Variants in CTIF observed in about 807,000 individuals in gnomAD.
CTIF encodes cap binding complex dependent translation initiation factor, also known as CBP80/20-dependent translation initiation factor.
In CTIF, 21 loss-of-function variants were observed where a neutral mutation model predicts 66.0. That is an observed-to-expected ratio of 0.32 (90% CI 0.23 to 0.46). CTIF has a LOEUF of 0.46. Ranked by LOEUF, CTIF falls within the 20% of genes least tolerant of loss-of-function variation. CTIF has a pLI of 1.00. For synonymous variants in CTIF, 345 were observed against 326.4 expected, an observed-to-expected ratio of 1.06 and a Z score of -0.62; for missense variants, 739 against 812.7, an observed-to-expected ratio of 0.91 and a Z score of 1.10.
chr18:48,722,729 C>T (rs1305876746), intron 7 of CTIF, among the ~76,000 whole-genome samples: 1 of 151,920 alleles, frequency 6.6e-6, no homozygotes, highest in South Asian at 2.1e-4. Flanking sequence ...AGCACCCGGC[C>T]GTACCCATCA....
intron 1 of CTIF, among the ~76,000 whole-genome samples, chr18:48,584,645 A>G (rs905118950): frequency 2.0e-5 from 3 of 152,176 alleles, no homozygotes; most frequent in African/African-American, 7.2e-5. Flanking sequence ...CCCAAACTGG[A>G]GAGGAGACCT....
rs143718595 is a variant in CTIF, at chr18:48,709,269, C to T, written c.508-2350C>T. The stretch of plus-strand genomic sequence containing the variant: ...ACCACTGTCATGGTTTATACACATA[C>T]ACTACATAGATGTGAGTTGTTCTGG... On this transcript the variant is annotated intron_variant, in intron 6 of 11. Coordinates refer to ENST00000256413, the MANE Select transcript of CTIF (RefSeq NM_014772.3). 4.3e-4 allele frequency among the ~76,000 whole-genome samples: 65 copies of T among 152,350 alleles called. No homozygotes were observed. In the East Asian group the frequency reaches 0.013, roughly 29 times the overall value.
intron 6 of CTIF, among the ~76,000 whole-genome samples, chr18:48,699,964 C>T (rs954115868): frequency 2.1e-4 from 32 of 152,380 alleles, no homozygotes; most frequent in African/African-American, 7.7e-4. Context: ...GCACACTCCA[C>T]ACTGGCTCGG....
At chr18:48,734,459 G>A (rs1163912279) in intron 7 of CTIF, among the ~76,000 whole-genome samples, 1 of 152,156 alleles carries the variant, frequency 6.6e-6, no homozygotes, top group Non-Finnish European at 1.5e-5. Context: ...CCCGCTACTC[G>A]GGAGGCTGAG....
chr18:48,607,334 A>G (rs2090221588), intron 1 of CTIF, among the ~76,000 whole-genome samples: 1 of 152,232 alleles, frequency 6.6e-6, no homozygotes, highest in Non-Finnish European at 1.5e-5. Flanking sequence ...GCTGTCCAGC[A>G]TGCTTCAGGC....
intron 7 of CTIF, among the ~76,000 whole-genome samples, chr18:48,747,464 A>G (rs1012431369): frequency 1.3e-5 from 2 of 152,352 alleles, no homozygotes; most frequent in South Asian, 2.1e-4. Context: ...GGCGGCCCAC[A>G]TGCAGCTCAG....
intron 7 of CTIF, among the ~76,000 whole-genome samples, chr18:48,721,425 T>A (rs554561719): frequency 1.3e-5 from 2 of 152,272 alleles, no homozygotes; most frequent in South Asian, 2.1e-4. Flanking sequence ...CATTTGAGGA[T>A]TGGCTCACAA....
In CTIF at chr18:48,636,652, T is replaced by C. The variant is rs1165953520; in HGVS notation, c.219T>C (p.Cys73=). 7.5e-6 allele frequency: 12 copies of C among 1,601,514 alleles called. No individual in the cohort carries two copies. Among genetic ancestry groups the C allele is most frequent in the Non-Finnish European group, 8.5e-7 (1 of 1,175,072 alleles). ...GCAGCGAACCGCTGGACAGCAGCTG[T>C]TCCTTCTCCCGAGGGCGAGCCCCCC... ...ADCSEPLDSS[C]SFSRGRAPPQ... Residue 73 remains cysteine, a synonymous_variant, in exon 3 of 12, where the codon TGT becomes TGC. Transcript: ENST00000256413.
At chr18:48,691,636 C>A (rs370911513) in intron 6 of CTIF, among the ~76,000 whole-genome samples, 3 of 152,160 alleles carry the variant, frequency 2.0e-5, no homozygotes, top group African/African-American at 7.2e-5. Flanking sequence ...GTCTGGTCTT[C>A]CTGTCTCCCC....
At chr18:48,704,720 C>T (rs543600021) in intron 6 of CTIF, among the ~76,000 whole-genome samples, 6 of 152,358 alleles carry the variant, frequency 3.9e-5, no homozygotes, top group African/African-American at 1.2e-4. Context: ...GGGCCCCACA[C>T]ATGCACATTC....
At chr18:48,751,782 A>G (rs1300066744) in intron 7 of CTIF, among the ~76,000 whole-genome samples, 1 of 152,106 alleles carries the variant, frequency 6.6e-6, no homozygotes, top group African/African-American at 2.4e-5. Flanking sequence ...TTGTCACACA[A>G]ACACCCTGCC....
At chr18:48,696,281 T>C (rs955461248) in intron 6 of CTIF, among the ~76,000 whole-genome samples, 2 of 152,126 alleles carry the variant, frequency 1.3e-5, no homozygotes, top group African/African-American at 4.8e-5. Flanking sequence ...CCCTTTCACA[T>C]CAGTAGACAG....
intron 10 of CTIF, among the ~76,000 whole-genome samples, chr18:48,828,183 C>CCAAAGGGAAA (rs1355768539): frequency 2.0e-5 from 3 of 152,144 alleles, no homozygotes; most frequent in Non-Finnish European, 4.4e-5. Flanking sequence ...ACACTGGTTT[C>CCAAAGGGAAA]CAAAGGGAAA....
chr18:48,725,583 G>T (rs11661260), intron 7 of CTIF, among the ~76,000 whole-genome samples: 26,404 of 152,076 alleles, frequency 0.17, 2,537 homozygotes, highest in South Asian at 0.36. Flanking sequence ...ACTCTCATGC[G>T]GCCCCTTTTG....
intron 9 of CTIF, among the ~76,000 whole-genome samples, chr18:48,797,480 C>A (rs2067948065): frequency 7.2e-6 from 1 of 138,572 alleles, no homozygotes; most frequent in Non-Finnish European, 1.5e-5. Flanking sequence ...AAGACTCCAT[C>A]CAAAAAAGAA....
intron 1 of CTIF, among the ~76,000 whole-genome samples, chr18:48,555,032 G>A (rs1422412156): frequency 1.3e-5 from 2 of 152,172 alleles, no homozygotes; most frequent in African/African-American, 2.4e-5. Flanking sequence ...TTCCCTTAAG[G>A]TTTCTCTGGA....
chr18:48,718,717 G>A (rs777593453), intron 7 of CTIF, among the ~76,000 whole-genome samples: 21 of 152,220 alleles, frequency 1.4e-4, no homozygotes, highest in Admixed American at 4.6e-4. Flanking sequence ...TAGAAATAAT[G>A]TCTTACCAGC....
intron 10 of CTIF, among the ~76,000 whole-genome samples, chr18:48,824,259 G>A (rs1227356861): frequency 6.6e-6 from 1 of 152,154 alleles, no homozygotes; most frequent in Non-Finnish European, 1.5e-5. Flanking sequence ...CATCCCATGA[G>A]CATTTTATAA....
rs1044724888 is a variant in CTIF at position 48,861,509 on chromosome 18, G to A, written c.*1950G>A. 4 of 152,362 alleles carry A rather than the reference G, an allele frequency of 2.6e-5. No homozygotes were observed. The highest frequency in any genetic ancestry group is 6.5e-5 in the Admixed American group (1 of 15,292). 9.4% of individuals were successfully genotyped at this position (152,362 alleles called of 1,614,324 possible). A position where few individuals can be genotyped will look rare whatever the true frequency, so the allele number is the denominator to read the frequency against. On this transcript the variant is annotated 3_prime_UTR_variant, in exon 12 of 12. Transcript: ENST00000256413. ...GGCTGCTCAGGGCAGGCCCCAGGGC[G>A]AGCTTGCCATCGTGGCCAGGCAGCC...
Sources: gnomAD v4.1 joint callset for allele counts (sites outside exome capture counted in the v4.1 genomes callset) on GRCh38, gnomAD v4.1.1 for gene constraint, MANE v1.5 for transcripts, NCBI Gene and HGNC (gene_info 2026-07-23, HGNC 2026-07-21) for gene names.